CST11: variants seen among roughly 807,000 people sequenced by gnomAD.
CST11 encodes the protein cystatin-11.
Under a neutral mutation model 14.0 loss-of-function variants are expected in CST11, and 13 were observed. That is an observed-to-expected ratio of 0.93 (90% CI 0.60 to 1.47). The LOEUF is 1.47. CST11 is among the 40% of genes most tolerant of loss of function. CST11 has a pLI of 0.00. For synonymous variants in CST11, 64 were observed against 57.8 expected, an observed-to-expected ratio of 1.11 and a Z score of -0.48; for missense variants, 181 against 160.0, an observed-to-expected ratio of 1.13 and a Z score of -0.71.
intron 2 of CST11, among the ~76,000 whole-genome samples, 159 bp downstream of exon 2, chr20:23,451,657 C>T (rs1987093817): frequency 1.3e-5 from 2 of 152,188 alleles, no homozygotes; most frequent in Admixed American, 6.5e-5. Context: ...GCTGTCTCCA[C>T]CTTTGCTTTC....
chr20:23,452,308 A>G (rs1987116131), intron 1 of CST11, among the ~76,000 whole-genome samples: 3 of 152,216 alleles, frequency 2.0e-5, no homozygotes, highest in African/African-American at 7.2e-5. Flanking sequence ...CAGACAAAGC[A>G]CAGGCATGCT....
chr20:23,451,893 TC>T lies in CST11; in HGVS notation c.255del (p.Asn86MetfsTer46). 1 of 1,613,942 alleles carries T rather than the reference TC, an allele frequency of 6.2e-7. No homozygotes were observed. Among genetic ancestry groups the T allele is most frequent in the Non-Finnish European group, 8.5e-7 (1 of 1,179,894 alleles). ...RQVTDHLEYH[L>X]NVEMQWTTCQ... ...CAGGTGGTCCACTGCATTTCCACAT[TC>T]AGGTGATACTCCAGGTGGTCAGTGA... is the stretch of plus-strand genomic sequence containing the variant. On this transcript the variant is annotated frameshift_variant, in exon 2 of 3. Transcript: ENST00000377009. LOFTEE classifies it high-confidence loss of function.
In CST11 at chr20:23,452,772, C is replaced by A. The variant is rs1418135531; in HGVS notation, c.40G>T (p.Ala14Ser). 2.5e-6 allele frequency: 4 copies of A among 1,613,982 alleles called. No individual in the cohort carries two copies. In the African/African-American group the frequency reaches 5.3e-5, roughly 22 times the overall value. Reference protein sequence around the residue: ...EPWQALQLLLAILLTLMALPY... With the variant: ...EPWQALQLLLSILLTLMALPY... ...AGGGCCATCAGAGTCAATAGAATGG[C>A]CAACAGGAGCTGTAGGGCCTGCCAG... Residue 14 changes from alanine to serine, a missense_variant, in exon 1 of 3, where the codon GCC becomes TCC. Physicochemically the swap from Ala to Ser is moderately conservative, Grantham distance 99. Transcript: ENST00000377009.
chr20:23,452,629 G>A lies in CST11; in HGVS notation c.183C>T (p.Asp61=). Residue 61 remains aspartate, a synonymous_variant, in exon 1 of 3, where the codon GAC becomes GAT. Coordinates refer to ENST00000377009, the MANE Select transcript of CST11 (RefSeq NM_130794.2). ...ITDQYNKESD[D]KYHFRIFRVL... ...CTCGGAAGATCCTGAAGTGGTACTT[G>A]TCATCACTTTCCTTGTTATACTGGT... 6.2e-7 allele frequency: 1 copy of A among 1,613,926 alleles called. No homozygotes were observed. Among genetic ancestry groups the A allele is most frequent in the Non-Finnish European group, 8.5e-7 (1 of 1,179,794 alleles).
intron 1 of CST11, 31 bp downstream of exon 1, chr20:23,452,553 C>A (rs1366471921): frequency 7.0e-7 from 1 of 1,424,006 alleles, no homozygotes; most frequent in East Asian, 2.3e-5. Context: ...GCGTATCAGG[C>A]CTGGGGAGAG....
At chr20:23,452,146 C>T (rs1449057654) in intron 1 of CST11, among the ~76,000 whole-genome samples, 4 of 152,326 alleles carry the variant, frequency 2.6e-5, no homozygotes, top group South Asian at 2.1e-4. Context: ...CAAATCTATC[C>T]CTTGGGTAAT....
Position 23,452,595 on chromosome 20 carries a change from CT to C in CST11, c.216del (p.Val73SerfsTer13). On this transcript the variant is annotated frameshift_variant, in exon 1 of 3. Coordinates refer to ENST00000377009, the MANE Select transcript of CST11 (RefSeq NM_130794.2). LOFTEE classifies it high-confidence loss of function. ...KYHFRIFRVL[K>X]VQRQVTDHLE... is the part of the protein sequence containing the mutation. The stretch of plus-strand genomic sequence containing the variant: ...AGTCATACACTCACCTGCCTCTGGA[CT>C]TTAAGGACTCGGAAGATCCTGAAGT... 2 of 1,611,680 alleles carry C rather than the reference CT, an allele frequency of 1.2e-6. No homozygotes were observed. The highest frequency in any genetic ancestry group is 1.7e-6 in the Non-Finnish European group (2 of 1,177,772).
Position 23,452,004 on chromosome 20 carries a change from C to T in CST11, c.229-84G>A, listed in dbSNP as rs770593668. ...TCTGTGCCTGGGGGCTCCGCTACCC[C>T]ACGTCCAAGGGCAAGGAGCTGGTCC... On this transcript the variant is annotated intron_variant, in intron 1 of 2. Coordinates refer to ENST00000377009, the MANE Select transcript of CST11 (RefSeq NM_130794.2). 5.2e-6 allele frequency: 5 copies of T among 966,344 alleles called. No individual in the cohort carries two copies. In the Admixed American group the frequency reaches 7.2e-5, roughly 14 times the overall value. The allele number at this position is 966,344 out of a possible 1,614,324, so 59.9% of individuals were successfully genotyped here.
In CST11 at chr20:23,450,493, C is replaced by T. The variant is rs1038071140; in HGVS notation, c.*13G>A. ...CTCACATGCAGTGGCCGCAGTTGTA[C>T]ACTCCAGGACACCTAGTCACTGCTG... is the stretch of plus-strand genomic sequence containing the variant. On this transcript the variant is annotated 3_prime_UTR_variant, in exon 3 of 3. Coordinates refer to ENST00000377009, the MANE Select transcript of CST11 (RefSeq NM_130794.2). 5.7e-6 allele frequency: 9 copies of T among 1,582,414 alleles called. No homozygotes were observed. The East Asian group carries it at 1.4e-4, about 24-fold the overall frequency.
At chr20:23,450,798 G>A (rs1987066128) in intron 2 of CST11, among the ~76,000 whole-genome samples, 1 of 152,108 alleles carries the variant, frequency 6.6e-6, no homozygotes, top group Admixed American at 6.5e-5. Context: ...TATCAAACAA[G>A]ATATTTAGAA....
chr20:23,450,667 C>T (rs527669057), intron 2 of CST11, 78 bp from the exon 3 acceptor site: 29 of 1,065,108 alleles, frequency 2.7e-5, no homozygotes, highest in Admixed American at 1.3e-4. Flanking sequence ...ATGTAAGACA[C>T]GAAGATGGAG....
intron 2 of CST11, 88 bp from the exon 3 acceptor site, chr20:23,450,677 GAAA>G: frequency 1.1e-6 from 1 of 912,150 alleles, no homozygotes; most frequent in African/African-American, 1.7e-5. Context: ...CGAAGATGGA[GAAA>G]AGGCTACCAC....
intron 2 of CST11, 46 bp downstream of exon 2, chr20:23,451,770 C>A: frequency 7.2e-7 from 1 of 1,383,252 alleles, no homozygotes; most frequent in South Asian, 1.2e-5. Context: ...AGAAAAACCT[C>A]ACTGAAAAGG....
At chr20:23,450,643 G>A in intron 2 of CST11, 54 bp from the exon 3 acceptor site, 2 of 1,383,786 alleles carry the variant, frequency 1.4e-6, no homozygotes, top group Admixed American at 1.8e-5. Flanking sequence ...AAATTTAAAA[G>A]GAGAAGGAAG....
intron 1 of CST11, 141 bp downstream of exon 1, chr20:23,452,443 A>G (rs1175420247): frequency 1.5e-6 from 1 of 660,934 alleles, no homozygotes; most frequent in African/African-American, 1.8e-5. Flanking sequence ...TCATCACCCT[A>G]GTGAATTTAT....
intron 1 of CST11, among the ~76,000 whole-genome samples, chr20:23,452,240 G>A (rs1987114596): frequency 6.6e-6 from 1 of 152,108 alleles, no homozygotes; most frequent in African/African-American, 2.4e-5. Context: ...CGTTTTATTG[G>A]CCATGTGGTC....
At chr20:23,451,992 G>A (rs1429420007) in intron 1 of CST11, 72 bp from the exon 2 acceptor site, 10 of 1,152,456 alleles carry the variant, frequency 8.7e-6, no homozygotes, top group East Asian at 4.8e-5. Context: ...GTGCCTGGGG[G>A]CTCCGCTACC....
intron 2 of CST11, among the ~76,000 whole-genome samples, chr20:23,450,968 C>T (rs1433167889): frequency 6.6e-6 from 1 of 152,112 alleles, no homozygotes; most frequent in African/African-American, 2.4e-5. Context: ...ATTTATCCCT[C>T]CATTCATCTA....
At chr20:23,451,600 G>A (rs1473284385) in intron 2 of CST11, among the ~76,000 whole-genome samples, 1 of 152,106 alleles carries the variant, frequency 6.6e-6, no homozygotes, top group Non-Finnish European at 1.5e-5. Flanking sequence ...CTCTGGACAT[G>A]TTCAGCCTCC....
Sources: allele counts gnomAD v4.1 joint callset (sites outside exome capture counted in the v4.1 genomes callset), GRCh38; gene constraint gnomAD v4.1.1; transcripts MANE v1.5; gene names NCBI Gene and HGNC (gene_info 2026-07-23, HGNC 2026-07-21).